The following GAS7 variants were observed in gnomAD, a reference collection of about 807,000 sequenced individuals.
The protein encoded by GAS7 is growth arrest-specific protein 7.
In GAS7, 28 loss-of-function variants were observed where a neutral mutation model predicts 71.1. The ratio of observed to expected loss-of-function variants is 0.39; its 90% CI spans 0.29 to 0.54. GAS7 has a LOEUF of 0.54. GAS7 is among the 20% of genes least tolerant of loss of function. The probability of loss-of-function intolerance (pLI) is 0.62; values close to 1 mark genes in which losing one functional copy is unlikely to be tolerated. For synonymous variants in GAS7, 258 were observed against 245.8 expected (o/e 1.05, Z -0.46); for missense variants, 436 against 627.8 (o/e 0.69, Z 3.27).
At position 10,034,181 on chromosome 17, in the gene GAS7, T is replaced by C. The variant is rs564244444; in HGVS notation, c.184-14284A>G. The C allele has an allele frequency of 6.1e-6, 6 of 984,988 alleles. No homozygotes were observed. The African/African-American group carries it at 1.0e-4, about 17-fold the overall frequency. The allele number at this position is 984,988 out of a possible 1,614,324, so 61.0% of individuals were successfully genotyped here. Reference sequence around the variant, plus strand: ...GCTGGTAAAGCTGCAGCAGTCTCGCTGGCAGATCTTGAGCAACCTCTTCCA... The same window carrying C: ...GCTGGTAAAGCTGCAGCAGTCTCGCCGGCAGATCTTGAGCAACCTCTTCCA... On this transcript the variant is annotated intron_variant, in intron 1 of 13. Transcript: ENST00000432992. The surrounding 1 kb of genome is among the most constrained non-coding windows in gnomAD (Gnocchi z 4.4).
chr17:9,920,740 C>A (rs2067775498), intron 11 of GAS7, among the ~76,000 whole-genome samples: 1 of 152,226 alleles, frequency 6.6e-6, no homozygotes, highest in African/African-American at 2.4e-5. Context: ...CCTCACAGGG[C>A]TCCAGCAAGA....
At chr17:10,181,975 G>A (rs2074420285) in intron 1 of GAS7, among the ~76,000 whole-genome samples, 1 of 152,184 alleles carries the variant, frequency 6.6e-6, no homozygotes, top group African/African-American at 2.4e-5. Context: ...CCATGGCAAT[G>A]ACTGGAAGTT....
intron 1 of GAS7, among the ~76,000 whole-genome samples, chr17:10,146,931 A>G (rs917143481): frequency 6.7e-6 from 1 of 149,672 alleles, no homozygotes; most frequent in African/African-American, 2.4e-5. Context: ...TAGTGAGCTG[A>G]GATCGCGCCA....
At chr17:10,080,042 T>C (rs1301025646) in intron 1 of GAS7, among the ~76,000 whole-genome samples, 1 of 152,178 alleles carries the variant, frequency 6.6e-6, no homozygotes, top group East Asian at 1.9e-4. Flanking sequence ...GCTGCACTCC[T>C]AGTAGATTTG....
chr17:10,070,861 G>A (rs1025988013), intron 1 of GAS7, among the ~76,000 whole-genome samples: 5 of 151,950 alleles, frequency 3.3e-5, no homozygotes, highest in African/African-American at 1.2e-4. Flanking sequence ...GGCGAAGGAA[G>A]AGCATACAGA....
Position 10,026,067 on chromosome 17 carries a change from A to T in GAS7, c.184-6170T>A. ...CTCCCTACCGCTCCCACCATGCTTC[A>T]AGCTCAAGTTCAACCCGGATGCCAC... is the stretch of plus-strand genomic sequence containing the variant. On this transcript the variant is annotated intron_variant, in intron 1 of 13. Transcript: ENST00000432992. This position sits in a 1 kb window ranked among gnomAD's most constrained non-coding sequence, Gnocchi z 4.5. The T allele has an allele frequency of 1.6e-6, 1 of 642,008 alleles. No homozygotes were observed. The highest frequency in any genetic ancestry group is 1.9e-6 in the Non-Finnish European group (1 of 516,178). 39.8% of individuals were successfully genotyped at this position (642,008 alleles called of 1,614,324 possible). A position where few individuals can be genotyped will look rare whatever the true frequency, so the allele number is the denominator to read the frequency against.
intron 1 of GAS7, among the ~76,000 whole-genome samples, chr17:10,063,135 T>C (rs574459147): frequency 5.6e-4 from 85 of 152,370 alleles, no homozygotes; most frequent in African/African-American, 2.0e-3. Flanking sequence ...GGTGGTTTCA[T>C]GGGGTTTCCC....
At chr17:10,178,298 C>G (rs946951844) in intron 1 of GAS7, among the ~76,000 whole-genome samples, 10 of 150,570 alleles carry the variant, frequency 6.6e-5, no homozygotes, top group African/African-American at 2.2e-4. Context: ...CTGTGGTGCC[C>G]GTGGAATGCT....
intron 1 of GAS7, among the ~76,000 whole-genome samples, chr17:10,094,329 G>C (rs1292160717): frequency 6.6e-6 from 1 of 152,192 alleles, no homozygotes; most frequent in African/African-American, 2.4e-5. Context: ...GCTGCCAGCT[G>C]TCAGGACCTC....
intron 1 of GAS7, among the ~76,000 whole-genome samples, chr17:10,036,005 A>C (rs1309058571): frequency 6.6e-6 from 1 of 152,194 alleles, no homozygotes; most frequent in Non-Finnish European, 1.5e-5. Flanking sequence ...GGTGGGTAGA[A>C]TCCAAGTTTC....
intron 1 of GAS7, among the ~76,000 whole-genome samples, chr17:10,035,142 TC>T (rs2072716845): frequency 8.4e-6 from 1 of 118,518 alleles, no homozygotes; most frequent in African/African-American, 2.6e-5. Flanking sequence ...CCTTCAGTGT[TC>T]TTCTTCTCTG....
At chr17:10,087,622 G>C (rs535326055) in intron 1 of GAS7, among the ~76,000 whole-genome samples, 2 of 152,188 alleles carry the variant, frequency 1.3e-5, no homozygotes, top group Non-Finnish European at 2.9e-5. Flanking sequence ...AGCAGTAAGC[G>C]TCAGGGTTCC....
intron 5 of GAS7, among the ~76,000 whole-genome samples, chr17:9,957,304 G>A (rs2069283346): frequency 6.6e-6 from 1 of 152,220 alleles, no homozygotes; most frequent in Non-Finnish European, 1.5e-5. Context: ...TCCCTCATGA[G>A]AAGCAATGAT....
chr17:10,051,669 G>A (rs780956406), intron 1 of GAS7, among the ~76,000 whole-genome samples: 1 of 152,122 alleles, frequency 6.6e-6, no homozygotes, highest in Non-Finnish European at 1.5e-5. Context: ...AAACAAACAT[G>A]GTCCTTGACC....
At chr17:10,085,199 G>C (rs1039317477) in intron 1 of GAS7, among the ~76,000 whole-genome samples, 2 of 152,120 alleles carry the variant, frequency 1.3e-5, no homozygotes, top group South Asian at 2.1e-4. Flanking sequence ...GCCAGAATCA[G>C]TTTCTAATAT....
chr17:9,917,855 G>A (rs1173748860), intron 13 of GAS7, 146 bp downstream of exon 13: 6 of 616,068 alleles, frequency 9.7e-6, no homozygotes, highest in South Asian at 2.0e-5. Context: ...AGTCCACGAG[G>A]CCACCCCCAG....
chr17:9,976,005 C>T (rs1222920449), intron 3 of GAS7, among the ~76,000 whole-genome samples: 4 of 152,202 alleles, frequency 2.6e-5, no homozygotes, highest in African/African-American at 9.6e-5. Context: ...CTCGCAGGTT[C>T]CTTGGTCACC....
chr17:10,104,460 A>G (rs796111836), intron 1 of GAS7, among the ~76,000 whole-genome samples: 31 of 152,266 alleles, frequency 2.0e-4, no homozygotes, highest in Admixed American at 7.2e-4. Flanking sequence ...ACCCTGTTCC[A>G]TAGCTTCAGA....
rs184400627 is a variant in GAS7, at chr17:9,962,465, T to A, written c.472-3210A>T. 5.3e-3 allele frequency among the ~76,000 whole-genome samples: 811 copies of A among 152,202 alleles called. 4 individuals carry two copies. The highest frequency in any genetic ancestry group is 0.018 in the African/African-American group (742 of 41,504). On this transcript the variant is annotated intron_variant, in intron 4 of 13. Transcript: ENST00000432992. ...AAGTATTCAGAGAATAATGGAGAGA[T>A]AACAAAAGAACATAAACAACTTAAA...
Sources: allele counts gnomAD v4.1 joint callset (sites outside exome capture counted in the v4.1 genomes callset), GRCh38; gene constraint gnomAD v4.1.1; non-coding constraint Gnocchi (gnomAD v3.1); transcripts MANE v1.5; gene names NCBI Gene and HGNC (gene_info 2026-07-23, HGNC 2026-07-21).